EMILIN2: variants seen among roughly 807,000 people sequenced by gnomAD.
EMILIN2 encodes the protein elastin microfibril interfacer 2.
Under a neutral mutation model 87.1 loss-of-function variants are expected in EMILIN2, and 71 were observed. The ratio of observed to expected loss-of-function variants is 0.82; its 90% CI spans 0.67 to 0.99. EMILIN2 has a LOEUF of 0.99. EMILIN2 is among the 50% of genes least tolerant of loss of function. The pLI, the probability that EMILIN2 is intolerant of heterozygous loss-of-function variation, is 0.00. For synonymous variants in EMILIN2, 581 were observed against 563.4 expected (o/e 1.03, Z -0.44); for missense variants, 1,407 against 1,371.8 (o/e 1.03, Z -0.40).
intron 2 of EMILIN2, among the ~76,000 whole-genome samples, chr18:2,882,114 C>CTT (rs2076779875): frequency 6.6e-6 from 1 of 152,204 alleles, no homozygotes; most frequent in African/African-American, 2.4e-5. Flanking sequence ...GGATAAGTCG[C>CTT]TTAACCCCAT....
chr18:2,891,576 G>A lies in EMILIN2; in HGVS notation c.1449G>A (p.Val483=), dbSNP rs1251885678. Residue 483 remains valine (V), a synonymous_variant, in exon 4 of 8, where the codon GTG becomes GTA. Transcript: ENST00000254528. This position sits in a 1 kb window ranked among gnomAD's most constrained non-coding sequence, Gnocchi z 4.6. ...TTCGGGGCGCCATTAATGGAGAGGTGGGTGACTTGAAGCAGCTTGTTGATC... is the reference window on the plus strand; with the variant it reads ...TTCGGGGCGCCATTAATGGAGAGGTAGGTGACTTGAAGCAGCTTGTTGATC... ...ETLRGAINGE[V]GDLKQLVDQK... is the part of the protein sequence containing the mutation. 2 of 1,613,970 alleles carry A rather than the reference G, an allele frequency of 1.2e-6. No homozygotes were observed. Among genetic ancestry groups the A allele is most frequent in the Non-Finnish European group, 1.7e-6 (2 of 1,180,054 alleles).
intron 2 of EMILIN2, among the ~76,000 whole-genome samples, chr18:2,865,156 G>A (rs1205820711): frequency 4.0e-5 from 6 of 148,838 alleles, no homozygotes; most frequent in South Asian, 2.1e-4. Context: ...TTTGCCATGG[G>A]TTTGAACTTC....
chr18:2,858,557 A>ATGTGTGTG (rs1568454042), intron 2 of EMILIN2, among the ~76,000 whole-genome samples: 2 of 54,526 alleles, frequency 3.7e-5, no homozygotes, highest in African/African-American at 2.8e-4. Flanking sequence ...ATATATATAT[A>ATGTGTGTG]TATATATATA....
intron 7 of EMILIN2, among the ~76,000 whole-genome samples, chr18:2,911,490 T>C (rs2076940625): frequency 6.6e-6 from 1 of 152,174 alleles, no homozygotes; most frequent in Non-Finnish European, 1.5e-5. Context: ...CAGCTTCAGG[T>C]TTTGTCTGAC....
chr18:2,858,310 A>G (rs1011725545), intron 2 of EMILIN2, among the ~76,000 whole-genome samples: 2 of 150,384 alleles, frequency 1.3e-5, no homozygotes, highest in African/African-American at 4.9e-5. Flanking sequence ...TTTCTCACCC[A>G]CTTCCCATCC....
intron 3 of EMILIN2, among the ~76,000 whole-genome samples, chr18:2,887,531 G>C (rs1249242466): frequency 6.6e-6 from 1 of 151,972 alleles, no homozygotes; most frequent in African/African-American, 2.4e-5. Flanking sequence ...GAAGAGCCTG[G>C]CACCTTCTCC....
In EMILIN2 at chr18:2,847,956, G is replaced by GCGGGGCGCGCCCGGGC. The variant is rs1555664403; in HGVS notation, c.257+33_257+48dup. On this transcript the variant is annotated intron_variant, in intron 2 of 7. Coordinates refer to ENST00000254528, the MANE Select transcript of EMILIN2 (RefSeq NM_032048.3). This position sits in a 1 kb window ranked among gnomAD's most constrained non-coding sequence, Gnocchi z 4.5. ...TGTAAGTCCTGGAGCCGGGGAGCGGGCGGGGCGCGCCCGGGCCGGGGCGGT... is the reference window on the plus strand; with the variant it reads ...TGTAAGTCCTGGAGCCGGGGAGCGGGCGGGGCGCGCCCGGGCCGGGGCGCGCCCGGGCCGGGGCGGT... 6.0e-5 allele frequency: 95 copies of GCGGGGCGCGCCCGGGC among 1,595,058 alleles called. 1 individual carries two copies. Among genetic ancestry groups the GCGGGGCGCGCCCGGGC allele is most frequent in the Admixed American group, 6.9e-5 (4 of 58,258 alleles).
rs1055100478 is a variant in EMILIN2 at position 2,890,248 on chromosome 18, G to A, written c.434-313G>A. ...GAAAGAGACCATTGATTATCTAATAGGTGTCATGTACATATTATTTTAACA... is the reference window on the plus strand; with the variant it reads ...GAAAGAGACCATTGATTATCTAATAAGTGTCATGTACATATTATTTTAACA... On this transcript the variant is annotated intron_variant, in intron 3 of 7. Transcript: ENST00000254528. The surrounding 1 kb of genome is among the most constrained non-coding windows in gnomAD (Gnocchi z 4.7). Among the ~76,000 whole-genome samples, 11 of 152,146 alleles carry A rather than the reference G, an allele frequency of 7.2e-5. No individual in the cohort carries two copies. The highest frequency in any genetic ancestry group is 1.0e-4 in the Non-Finnish European group (7 of 68,026).
chr18:2,876,583 G>A (rs966624959), intron 2 of EMILIN2, among the ~76,000 whole-genome samples: 4 of 137,464 alleles, frequency 2.9e-5, no homozygotes, highest in East Asian at 2.2e-4. Context: ...TGGCTAACAC[G>A]GTGAAACCCC....
chr18:2,855,916 C>G (rs890300701), intron 2 of EMILIN2, among the ~76,000 whole-genome samples: 3 of 152,124 alleles, frequency 2.0e-5, no homozygotes, highest in African/African-American at 7.2e-5. Flanking sequence ...CATTGTTTGT[C>G]GGTTTGGAAT....
In EMILIN2 at chr18:2,890,072, A is replaced by G. The variant is rs2076826643; in HGVS notation, c.434-489A>G. Among the ~76,000 whole-genome samples the G allele has an allele frequency of 6.6e-6, 1 of 152,218 alleles. No individual in the cohort carries two copies. Among genetic ancestry groups the G allele is most frequent in the South Asian group, 2.1e-4 (1 of 4,830 alleles). On this transcript the variant is annotated intron_variant, in intron 3 of 7. Coordinates refer to ENST00000254528, the MANE Select transcript of EMILIN2 (RefSeq NM_032048.3). The surrounding 1 kb of genome is among the most constrained non-coding windows in gnomAD (Gnocchi z 4.7). ...AGAAAATATGATATCATATGATATC[A>G]CCATCCAACAGCTAATGGGTGGATC...
Position 2,892,038 on chromosome 18 carries a change from C to T in EMILIN2, c.1911C>T (p.Asn637=), listed in dbSNP as rs149141254. The stretch of plus-strand genomic sequence containing the variant: ...TGAGCAATTGTAGAGCAGGTGAAAA[C>T]GCTGGCATGGGTAGGTTCACTAAGG... ...KEMSNCRAGE[N]AGMGRFTKVG... Residue 637 remains asparagine, a synonymous_variant, in exon 4 of 8, where the codon AAC becomes AAT. Coordinates refer to ENST00000254528, the MANE Select transcript of EMILIN2 (RefSeq NM_032048.3). The T allele has an allele frequency of 1.9e-5, 31 of 1,614,190 alleles. No homozygotes were observed. The highest frequency in any genetic ancestry group is 1.3e-4 in the East Asian group (6 of 44,890).
At chr18:2,854,725 T>G (rs1366161069) in intron 2 of EMILIN2, among the ~76,000 whole-genome samples, 1 of 152,048 alleles carries the variant, frequency 6.6e-6, no homozygotes, top group Non-Finnish European at 1.5e-5. Context: ...GCCTGGGAGT[T>G]GAAGGCTGCA....
At chr18:2,854,200 C>T (rs900012425) in intron 2 of EMILIN2, among the ~76,000 whole-genome samples, 3 of 152,090 alleles carry the variant, frequency 2.0e-5, no homozygotes, top group African/African-American at 7.3e-5. Context: ...ATCTGGCCAC[C>T]TCCCCCCTCA....
intron 2 of EMILIN2, among the ~76,000 whole-genome samples, chr18:2,876,259 A>G (rs750979126): frequency 8.6e-5 from 13 of 151,476 alleles, no homozygotes; most frequent in East Asian, 2.0e-4. Context: ...GGGATTACAG[A>G]CATGAGCCAA....
chr18:2,903,775 A>ATT (rs34395711), intron 4 of EMILIN2, among the ~76,000 whole-genome samples: 1 of 151,812 alleles, frequency 6.6e-6, no homozygotes, highest in East Asian at 1.9e-4. Context: ...TGTCAGTTCC[A>ATT]TTTTTTTTAA....
At chr18:2,903,071 A>AG (rs1378289986) in intron 4 of EMILIN2, among the ~76,000 whole-genome samples, 1 of 149,570 alleles carries the variant, frequency 6.7e-6, no homozygotes, top group Non-Finnish European at 1.5e-5. Flanking sequence ...TTTTAGATAG[A>AG]GAGACATACG....
At chr18:2,873,707 AAAAT>A (rs144318798) in intron 2 of EMILIN2, among the ~76,000 whole-genome samples, 19,528 of 151,618 alleles carry the variant, frequency 0.13, 1,305 homozygotes, top group South Asian at 0.22. Context: ...ACTCCATCTC[AAAAT>A]AAATAAATAA....
Position 2,913,027 on chromosome 18 carries a change from C to T in EMILIN2, c.2825-40C>T, listed in dbSNP as rs200332812. 5.6e-4 allele frequency: 893 copies of T among 1,594,918 alleles called. 1 individual carries two copies. The highest frequency in any genetic ancestry group is 1.2e-3 in the East Asian group (53 of 44,834). On this transcript the variant is annotated intron_variant, in intron 7 of 7. Coordinates refer to ENST00000254528, the MANE Select transcript of EMILIN2 (RefSeq NM_032048.3). ...CTTACTACCATGGCAAGGGCTGTGACGACAGCAGGTGAGCACAGGGTTTGC... is the reference window on the plus strand; with the variant it reads ...CTTACTACCATGGCAAGGGCTGTGATGACAGCAGGTGAGCACAGGGTTTGC...
Sources: gnomAD v4.1 joint callset for allele counts (sites outside exome capture counted in the v4.1 genomes callset) on GRCh38, gnomAD v4.1.1 for gene constraint, Gnocchi (gnomAD v3.1) non-coding constraint, MANE v1.5 for transcripts, NCBI Gene and HGNC (gene_info 2026-07-23, HGNC 2026-07-21) for gene names.